The following CDH12 variants were observed in gnomAD, a reference collection of about 807,000 sequenced individuals.
The protein encoded by CDH12 is cadherin 12.
CDH12 carries 41 observed loss-of-function variants against 74.1 expected under a neutral mutation model. That is an observed-to-expected ratio of 0.55 (90% CI 0.43 to 0.72). The LOEUF (loss-of-function observed/expected upper bound fraction) is 0.72, where lower values mean the gene tolerates loss of function less well. Ranked by LOEUF, CDH12 falls within the 30% of genes least tolerant of loss-of-function variation. CDH12 has a pLI of 0.00. For synonymous variants in CDH12, 399 were observed against 355.0 expected (o/e 1.12, Z -1.39); for missense variants, 945 against 977.2 (o/e 0.97, Z 0.44).
intron 4 of CDH12, among the ~76,000 whole-genome samples, chr5:22,193,473 A>G (rs1750421907): frequency 6.6e-6 from 1 of 152,220 alleles, no homozygotes. Flanking sequence ...GGCATTGAGG[A>G]GTACAGGTGA....
chr5:21,998,999 A>G (rs1736452433), intron 5 of CDH12, among the ~76,000 whole-genome samples: 1 of 152,214 alleles, frequency 6.6e-6, no homozygotes, highest in East Asian at 1.9e-4. Context: ...AGTTTGCCTT[A>G]ACGGTCTCCG....
intron 3 of CDH12, among the ~76,000 whole-genome samples, chr5:22,288,000 T>C (rs1392854714): frequency 1.3e-5 from 2 of 152,130 alleles, no homozygotes; most frequent in African/African-American, 4.8e-5. Context: ...GTCAATCAAA[T>C]AAATCCTGAA....
At chr5:22,002,892 A>C (rs1419952296) in intron 5 of CDH12, among the ~76,000 whole-genome samples, 10 of 152,134 alleles carry the variant, frequency 6.6e-5, no homozygotes, top group Non-Finnish European at 1.3e-4. Context: ...AATGGATATA[A>C]ATATAAATAC....
At chr5:22,575,005 G>T (rs1739713637) in intron 1 of CDH12, among the ~76,000 whole-genome samples, 1 of 151,882 alleles carries the variant, frequency 6.6e-6, no homozygotes, top group African/African-American at 2.4e-5. Context: ...CTTAAATTTT[G>T]GTTTCTGCAT....
intron 3 of CDH12, among the ~76,000 whole-genome samples, chr5:22,299,892 C>A (rs1210150133): frequency 1.3e-5 from 2 of 151,874 alleles, no homozygotes. Context: ...TTTTTTCTTC[C>A]TATTCTTCTG....
chr5:22,821,171 AC>A (rs1749679847), intron 1 of CDH12, among the ~76,000 whole-genome samples: 1 of 152,180 alleles, frequency 6.6e-6, no homozygotes, highest in Non-Finnish European at 1.5e-5. Context: ...AAGGCCTTTG[AC>A]AAAATTCAAC....
chr5:22,831,799 G>C (rs1244026566), intron 1 of CDH12, among the ~76,000 whole-genome samples: 3 of 152,028 alleles, frequency 2.0e-5, no homozygotes, highest in Non-Finnish European at 4.4e-5. Flanking sequence ...TCAGGAGGCT[G>C]AGGCAGAGAA....
intron 3 of CDH12, among the ~76,000 whole-genome samples, chr5:22,230,618 A>C (rs564522510): frequency 4.0e-5 from 6 of 151,722 alleles, no homozygotes; most frequent in Admixed American, 1.3e-4. Context: ...CTACAGGTGC[A>C]CGCCACCATG....
intron 1 of CDH12, among the ~76,000 whole-genome samples, chr5:22,836,650 A>G (rs1465362627): frequency 1.3e-5 from 2 of 152,108 alleles, no homozygotes; most frequent in African/African-American, 4.8e-5. Context: ...GTAAACTAAC[A>G]ATTGTGATGG....
intron 3 of CDH12, among the ~76,000 whole-genome samples, chr5:22,343,327 G>GACAC (rs1217219418): frequency 2.5e-4 from 28 of 112,598 alleles, no homozygotes; most frequent in South Asian, 1.0e-3. Flanking sequence ...CACACACAGA[G>GACAC]AGAGAGAGAG....
intron 1 of CDH12, among the ~76,000 whole-genome samples, chr5:22,650,332 G>A (rs1177214481): frequency 1.3e-5 from 2 of 151,848 alleles, no homozygotes; most frequent in African/African-American, 4.8e-5. Context: ...TTTATTTTTT[G>A]TTTAGTTATG....
At chr5:21,886,520 T>C (rs1752639009) in intron 6 of CDH12, among the ~76,000 whole-genome samples, 1 of 146,816 alleles carries the variant, frequency 6.8e-6, no homozygotes, top group Non-Finnish European at 1.5e-5. Context: ...AGAGTTTACA[T>C]ATATTATTAT....
chr5:22,313,195 G>A (rs965079903), intron 3 of CDH12, among the ~76,000 whole-genome samples: 3 of 152,122 alleles, frequency 2.0e-5, no homozygotes, highest in African/African-American at 7.2e-5. Flanking sequence ...TTGCCCCAAG[G>A]GATTCACATA....
chr5:22,266,609 A>T (rs1736129190), intron 3 of CDH12, among the ~76,000 whole-genome samples: 1 of 152,102 alleles, frequency 6.6e-6, no homozygotes, highest in South Asian at 2.1e-4. Flanking sequence ...CCTGTGACTC[A>T]GCTTTTCTCT....
chr5:22,144,365 G>T (rs1160318525), intron 4 of CDH12, among the ~76,000 whole-genome samples: 1 of 152,030 alleles, frequency 6.6e-6, no homozygotes, highest in East Asian at 1.9e-4. Flanking sequence ...ACTTGAAAAG[G>T]ATCATTGATT....
chr5:22,723,199 T>A (rs1460008969), intron 1 of CDH12, among the ~76,000 whole-genome samples: 1 of 152,152 alleles, frequency 6.6e-6, no homozygotes, highest in Non-Finnish European at 1.5e-5. Flanking sequence ...TTTCACAAAT[T>A]CACAGAGGTA....
chr5:22,528,146 C>A (rs1397113605), intron 1 of CDH12, among the ~76,000 whole-genome samples: 1 of 152,150 alleles, frequency 6.6e-6, no homozygotes, highest in African/African-American at 2.4e-5. Flanking sequence ...GAAGGATGGT[C>A]ATAGCCTGTC....
chr5:22,529,644 A>G (rs1737495863), intron 1 of CDH12, among the ~76,000 whole-genome samples: 1 of 152,058 alleles, frequency 6.6e-6, no homozygotes, highest in African/African-American at 2.4e-5. Context: ...CCTTGCAAAC[A>G]CATTCAGAAT....
At chr5:22,690,754 T>C (rs1742040869) in intron 1 of CDH12, among the ~76,000 whole-genome samples, 1 of 152,210 alleles carries the variant, frequency 6.6e-6, no homozygotes, top group South Asian at 2.1e-4. Context: ...AGGGGTATTA[T>C]AAAATTCTAA....
Sources: allele counts gnomAD v4.1 joint callset (sites outside exome capture counted in the v4.1 genomes callset), GRCh38; gene constraint gnomAD v4.1.1; transcripts MANE v1.5; gene names NCBI Gene and HGNC (gene_info 2026-07-23, HGNC 2026-07-21).